The following JAG1 variants were observed in gnomAD, a reference collection of about 807,000 sequenced individuals.
JAG1 encodes the protein jagged canonical Notch ligand 1.
A neutral mutation model predicts 148.7 loss-of-function variants in JAG1; 23 were observed. The observed-to-expected ratio is 0.15, with a 90% CI of 0.11 to 0.22. The LOEUF (loss-of-function observed/expected upper bound fraction) is 0.22. JAG1 is among the 10% of genes least tolerant of loss of function. JAG1 has a pLI of 1.00. For missense variants in JAG1, 1,054 were observed against 1,611.2 expected, an observed-to-expected ratio of 0.65 and a Z score of 5.92; for synonymous variants, 572 against 598.3, an observed-to-expected ratio of 0.96 and a Z score of 0.64.
intron 18 of JAG1, 39 bp downstream of exon 18, chr20:10,644,824 C>T (rs370513227): frequency 6.9e-6 from 10 of 1,450,316 alleles, no homozygotes; most frequent in African/African-American, 2.8e-5. Context: ...GGATCTGCTC[C>T]GACAGCCCTG....
chr20:10,673,914 A>C lies in JAG1; in HGVS notation c.-384T>G, dbSNP rs559044448. ...GGGGGAGGGAGGGGAGAAAAAAAAA[A>C]ACCAGCCTAGCTCGCGGGCCGGCCG... On this transcript the variant is annotated 5_prime_UTR_variant, in exon 1 of 26. Coordinates refer to ENST00000254958, the MANE Select transcript of JAG1 (RefSeq NM_000214.3). The surrounding 1 kb of genome is among the most constrained non-coding windows in gnomAD (Gnocchi z 4.7). 594 of 152,380 alleles carry C rather than the reference A, an allele frequency of 3.9e-3. 2 individuals carry two copies. Among genetic ancestry groups the C allele is most frequent in the Admixed American group, 6.2e-3 (94 of 15,264 alleles). 9.4% of individuals were successfully genotyped at this position (152,380 alleles called of 1,614,324 possible). A position where few individuals can be genotyped will look rare whatever the true frequency, so the allele number is the denominator to read the frequency against.
chr20:10,650,162 C>T, intron 9 of JAG1, 85 bp downstream of exon 9: 1 of 814,234 alleles, frequency 1.2e-6, no homozygotes, highest in Admixed American at 2.0e-5. Context: ...ACTCACACTG[C>T]CGGCCACACG....
chr20:10,657,991 T>C (rs908384434), intron 4 of JAG1, among the ~76,000 whole-genome samples: 1 of 152,080 alleles, frequency 6.6e-6, no homozygotes, highest in Non-Finnish European at 1.5e-5. Context: ...GATCTGGACA[T>C]AGGTAGAAGG....
chr20:10,652,679 G>A, intron 5 of JAG1, 81 bp from the exon 6 acceptor site: 1 of 1,483,374 alleles, frequency 6.7e-7, no homozygotes, highest in Non-Finnish European at 9.3e-7. Context: ...AGACTGCAAA[G>A]TCCAGGCTTT....
At chr20:10,667,293 G>C (rs746664602) in intron 2 of JAG1, among the ~76,000 whole-genome samples, 1 of 152,268 alleles carries the variant, frequency 6.6e-6, no homozygotes, top group African/African-American at 2.4e-5. Context: ...TGCACAGTCA[G>C]TCGGCTCCCA....
intron 13 of JAG1, 138 bp downstream of exon 13, chr20:10,647,822 A>T: frequency 2.1e-6 from 2 of 958,426 alleles, no homozygotes; most frequent in Non-Finnish European, 3.3e-6. Context: ...GCGGCCCGCT[A>T]CACAGGCAGG....
At position 10,643,803 on chromosome 20, in the gene JAG1, A is replaced by G; in HGVS notation, c.2433T>C (p.Gly811=). 3.1e-6 allele frequency: 5 copies of G among 1,613,940 alleles called. No individual in the cohort carries two copies. Among genetic ancestry groups the G allele is most frequent in the Non-Finnish European group, 4.2e-6 (5 of 1,179,940 alleles). Residue 811 remains glycine (G), a synonymous_variant, in exon 20 of 26, where the codon GGT becomes GGC. Coordinates refer to ENST00000254958, the MANE Select transcript of JAG1 (RefSeq NM_000214.3). ...DNWYRCECAP[G]FAGPDCRINI... is the part of the protein sequence containing the mutation. ...TTATTCTGCAGTCGGGCCCAGCAAAACCCGGGGCACATTCGCACCGGTACC... is the reference window on the plus strand; with the variant it reads ...TTATTCTGCAGTCGGGCCCAGCAAAGCCCGGGGCACATTCGCACCGGTACC...
intron 14 of JAG1, chr20:10,646,394 T>C (rs1388040467): frequency 4.9e-6 from 2 of 409,462 alleles, no homozygotes; most frequent in South Asian, 2.1e-5. Context: ...CCAACATAGA[T>C]ATGGAGGCTC....
intron 12 of JAG1, 50 bp from the exon 13 acceptor site, chr20:10,648,160 AG>A: frequency 6.2e-7 from 1 of 1,610,222 alleles, no homozygotes; most frequent in Non-Finnish European, 8.5e-7. Context: ...AGTAAAACAA[AG>A]GTGTCACGAT....
chr20:10,655,786 G>A (rs1010460277), intron 5 of JAG1, among the ~76,000 whole-genome samples: 3 of 152,126 alleles, frequency 2.0e-5, no homozygotes, highest in South Asian at 2.1e-4. Flanking sequence ...ACCCGCCATC[G>A]TGAAGTGGTC....
chr20:10,639,699 G>C lies in JAG1; in HGVS notation c.3456C>G (p.His1152Gln), dbSNP rs1392887430. Residue 1152 changes from histidine (H) to glutamine (Q), a missense_variant, in exon 26 of 26, where the codon CAC becomes CAG. Coordinates refer to ENST00000254958, the MANE Select transcript of JAG1 (RefSeq NM_000214.3). ...TGTCGTCCTCTTCTACTTCAGAATT[G>C]TGTGTCCTTATTTTAGACATTTTGG... Reference protein sequence around the residue: ...KNSKMSKIRTHNSEVEEDDMD... With the variant: ...KNSKMSKIRTQNSEVEEDDMD... The C allele has an allele frequency of 3.7e-6, 6 of 1,614,068 alleles. No individual in the cohort carries two copies. The South Asian group carries it at 5.5e-5, about 15-fold the overall frequency.
At chr20:10,662,089 G>A (rs1409481700) in intron 3 of JAG1, 1 of 152,184 alleles carries the variant, frequency 6.6e-6, no homozygotes, top group African/African-American at 2.4e-5. Flanking sequence ...AGGCCAAATA[G>A]GCAAGTGGAG....
intron 14 of JAG1, 32 bp downstream of exon 14, chr20:10,646,907 C>T: frequency 6.2e-7 from 1 of 1,609,088 alleles, no homozygotes; most frequent in Non-Finnish European, 8.5e-7. Flanking sequence ...GGCTGGGGAG[C>T]ACTGGTCCAT....
At chr20:10,639,998 A>T in intron 25 of JAG1, 43 bp from the exon 26 acceptor site, 1 of 1,473,572 alleles carries the variant, frequency 6.8e-7, no homozygotes, top group Non-Finnish European at 9.5e-7. Context: ...CAAGAAAGAA[A>T]GAAAAAAGCA....
At chr20:10,640,680 G>A (rs2067264541) in intron 25 of JAG1, 103 bp downstream of exon 25, 2 of 1,245,602 alleles carry the variant, frequency 1.6e-6, no homozygotes, top group Admixed American at 3.4e-5. Context: ...GCTCCTGCGA[G>A]GGTAGGGCAC....
At chr20:10,652,672 C>T in intron 5 of JAG1, 74 bp from the exon 6 acceptor site, 2 of 1,517,108 alleles carry the variant, frequency 1.3e-6, no homozygotes, top group Non-Finnish European at 9.1e-7. Flanking sequence ...AAATGGAAGA[C>T]TGCAAAGTCC....
Position 10,639,591 on chromosome 20 carries a change from G to A in JAG1, c.3564C>T (p.Gly1188=), listed in dbSNP as rs376816243. 5.0e-6 allele frequency: 8 copies of A among 1,614,090 alleles called. No homozygotes were observed. Among genetic ancestry groups the A allele is most frequent in the Non-Finnish European group, 6.8e-6 (8 of 1,180,032 alleles). ...LVDREEKPPN[G]TPTKHPNWTN... is the part of the protein sequence containing the mutation. ...TCCAGTTTGGGTGTTTTGTCGGCGTGCCGTTGGGGGGCTTCTCTTCTCTGT... is the reference window on the plus strand; with the variant it reads ...TCCAGTTTGGGTGTTTTGTCGGCGTACCGTTGGGGGGCTTCTCTTCTCTGT... The change falls in exon 26 of 26, where the codon GGC becomes GGT. Residue 1188 remains glycine (G), a synonymous_variant. Coordinates refer to ENST00000254958, the MANE Select transcript of JAG1 (RefSeq NM_000214.3).
At chr20:10,640,631 A>G in intron 25 of JAG1, 152 bp downstream of exon 25, 1 of 770,442 alleles carries the variant, frequency 1.3e-6, no homozygotes. Context: ...ATGTGACCTT[A>G]GTAAAGTAGG....
chr20:10,654,927 C>A (rs1376064151), intron 5 of JAG1, among the ~76,000 whole-genome samples: 1 of 152,160 alleles, frequency 6.6e-6, no homozygotes, highest in Non-Finnish European at 1.5e-5. Context: ...AGGCAGCAGG[C>A]TTGGAATCAC....
Sources: allele counts gnomAD v4.1 joint callset (sites outside exome capture counted in the v4.1 genomes callset), GRCh38; gene constraint gnomAD v4.1.1; non-coding constraint Gnocchi (gnomAD v3.1); transcripts MANE v1.5; gene names NCBI Gene and HGNC (gene_info 2026-07-23, HGNC 2026-07-21).